Variants in CLEC16A observed in about 807,000 individuals in gnomAD.
CLEC16A encodes the protein protein CLEC16A.
Under a neutral mutation model 109.5 loss-of-function variants are expected in CLEC16A, and 51 were observed. The observed-to-expected ratio is 0.47, with a 90% CI of 0.37 to 0.59. The LOEUF is 0.59. Ranked by LOEUF, CLEC16A falls within the 20% of genes least tolerant of loss-of-function variation. CLEC16A has a pLI of 0.00. For synonymous variants in CLEC16A, 673 were observed against 564.2 expected (o/e 1.19, Z -2.73); for missense variants, 1,339 against 1,394.0 (o/e 0.96, Z 0.63).
chr16:10,973,887 CTTTTTT>C (rs569414844), intron 7 of CLEC16A, among the ~76,000 whole-genome samples: 1 of 46,586 alleles, frequency 2.1e-5, no homozygotes, highest in Non-Finnish European at 3.6e-5. Flanking sequence ...GGGCTGCTTG[CTTTTTT>C]TTTTTTTTTT....
intron 22 of CLEC16A, among the ~76,000 whole-genome samples, chr16:11,146,925 A>G (rs1434061600): frequency 6.6e-6 from 1 of 152,148 alleles, no homozygotes; most frequent in Non-Finnish European, 1.5e-5. Flanking sequence ...TAGATAGTCT[A>G]GAACTTCCCA....
At chr16:11,051,056 A>G (rs779759833) in intron 17 of CLEC16A, among the ~76,000 whole-genome samples, 13 of 152,314 alleles carry the variant, frequency 8.5e-5, no homozygotes, top group African/African-American at 1.9e-4. Context: ...CCCTTAGGTC[A>G]CAGCTTGCAG....
At chr16:10,998,752 G>A (rs957541629) in intron 10 of CLEC16A, among the ~76,000 whole-genome samples, 1 of 152,132 alleles carries the variant, frequency 6.6e-6, no homozygotes, top group African/African-American at 2.4e-5. Flanking sequence ...TCACTCAGCA[G>A]CAGCCTGTCC....
intron 23 of CLEC16A, among the ~76,000 whole-genome samples, chr16:11,169,862 C>T (rs1296374075): frequency 6.6e-6 from 1 of 152,182 alleles, no homozygotes; most frequent in Admixed American, 6.5e-5. Flanking sequence ...CCAGTAGATA[C>T]TCCTCCTGAA....
At chr16:10,992,425 C>A (rs2044074722) in intron 10 of CLEC16A, among the ~76,000 whole-genome samples, 1 of 151,902 alleles carries the variant, frequency 6.6e-6, no homozygotes, top group Non-Finnish European at 1.5e-5. Context: ...ATGATAAATA[C>A]ATGAGGCGAT....
chr16:10,951,856 T>C (rs532816512), intron 1 of CLEC16A, among the ~76,000 whole-genome samples: 3 of 152,262 alleles, frequency 2.0e-5, no homozygotes, highest in Non-Finnish European at 2.9e-5. Context: ...AACATTGTTA[T>C]CACTCACACA....
intron 19 of CLEC16A, among the ~76,000 whole-genome samples, chr16:11,087,610 G>A (rs1354462558): frequency 6.6e-6 from 1 of 152,224 alleles, no homozygotes; most frequent in Non-Finnish European, 1.5e-5. Flanking sequence ...TTCAACCCCA[G>A]GTTCTTTTTG....
intron 19 of CLEC16A, among the ~76,000 whole-genome samples, chr16:11,093,500 C>T (rs988791432): frequency 2.6e-5 from 4 of 152,264 alleles, no homozygotes; most frequent in Admixed American, 6.5e-5. Context: ...TGATTCTGCC[C>T]GGACTCAAGG....
chr16:10,953,631 T>G (rs2041842218), intron 1 of CLEC16A, among the ~76,000 whole-genome samples: 1 of 152,140 alleles, frequency 6.6e-6, no homozygotes, highest in African/African-American at 2.4e-5. Context: ...AGTAAAGGGT[T>G]TGTGGTCAGA....
At chr16:10,977,753 GGT>G (rs2146560209) in intron 8 of CLEC16A, among the ~76,000 whole-genome samples, 1 of 152,212 alleles carries the variant, frequency 6.6e-6, no homozygotes, top group South Asian at 2.1e-4. Flanking sequence ...CTTGACCTCA[GGT>G]GATACACCTG....
At chr16:11,162,332 C>T (rs1296835163) in intron 22 of CLEC16A, among the ~76,000 whole-genome samples, 2 of 152,196 alleles carry the variant, frequency 1.3e-5, no homozygotes, top group Non-Finnish European at 1.5e-5. Context: ...GGGGAGAGAG[C>T]TTCAGAGGGC....
In CLEC16A at chr16:10,944,585, G is replaced by A. The variant is rs1055314272; in HGVS notation, c.-133G>A. 8.2e-6 allele frequency: 7 copies of A among 852,930 alleles called. No individual in the cohort carries two copies. The highest frequency in any genetic ancestry group is 4.7e-5 in the Admixed American group (2 of 42,338). The allele number at this position is 852,930 out of a possible 1,614,324, so 52.8% of individuals were successfully genotyped here. A position where few individuals can be genotyped will look rare whatever the true frequency, so the allele number is the denominator to read the frequency against. On this transcript the variant is annotated 5_prime_UTR_variant, in exon 1 of 24. Transcript: ENST00000409790. Reference sequence around the variant, plus strand: ...TGTCAGTGCTGGGCTGTGGGCCGGGGAGGAAGGCGGCTCGCGGTTCCTCCA... The same window carrying A: ...TGTCAGTGCTGGGCTGTGGGCCGGGAAGGAAGGCGGCTCGCGGTTCCTCCA...
intron 11 of CLEC16A, among the ~76,000 whole-genome samples, chr16:11,013,469 AAATAC>A (rs1318726090): frequency 1.3e-5 from 2 of 152,132 alleles, no homozygotes; most frequent in African/African-American, 4.8e-5. Flanking sequence ...TCTCTGCTAA[AAATAC>A]AAAAATGAGG....
intron 2 of CLEC16A, among the ~76,000 whole-genome samples, chr16:10,960,573 A>C (rs1327842546): frequency 6.6e-6 from 1 of 152,108 alleles, no homozygotes; most frequent in Non-Finnish European, 1.5e-5. Context: ...TTTCTCTACT[A>C]TAAAGCTACT....
intron 18 of CLEC16A, among the ~76,000 whole-genome samples, chr16:11,057,538 T>C (rs1186066957): frequency 6.6e-6 from 1 of 152,204 alleles, no homozygotes; most frequent in African/African-American, 2.4e-5. Context: ...TTTGCCAGAA[T>C]TTGCTTCCAG....
chr16:11,026,909 CTG>C lies in CLEC16A; in HGVS notation c.1537+1989_1537+1990del, dbSNP rs2046437165. ...CTCACTATGGCTAAGTGAACGCTGA[CTG>C]GGTCCTCCAGCGTGAGCTAGAACAG... On this transcript the variant is annotated intron_variant, in intron 13 of 23. Transcript: ENST00000409790. The C allele has an allele frequency of 2.3e-6, 2 of 862,546 alleles. 1 individual carries two copies. Among genetic ancestry groups the C allele is most frequent in the African/African-American group, 3.3e-5 (2 of 59,938 alleles). The allele number at this position is 862,546 out of a possible 1,614,324, so 53.4% of individuals were successfully genotyped here.
At chr16:11,053,733 G>A (rs781391595) in intron 18 of CLEC16A, among the ~76,000 whole-genome samples, 16 of 152,204 alleles carry the variant, frequency 1.1e-4, no homozygotes, top group Non-Finnish European at 2.2e-4. Flanking sequence ...CCCAGCTAGT[G>A]AGTAGCTGAG....
intron 10 of CLEC16A, among the ~76,000 whole-genome samples, chr16:10,994,548 A>G (rs2044220626): frequency 6.6e-6 from 1 of 152,084 alleles, no homozygotes; most frequent in Non-Finnish European, 1.5e-5. Flanking sequence ...CTCTGTGTTT[A>G]TCAGGTAAAA....
At chr16:10,983,116 C>A in intron 10 of CLEC16A, 125 bp downstream of exon 10, 1 of 594,524 alleles carries the variant, frequency 1.7e-6, no homozygotes, top group Non-Finnish European at 3.0e-6. Context: ...ATAAGCTGGT[C>A]CGGGATTCAG....
Sources: gnomAD v4.1 joint callset for allele counts (sites outside exome capture counted in the v4.1 genomes callset) on GRCh38, gnomAD v4.1.1 for gene constraint, MANE v1.5 for transcripts, NCBI Gene and HGNC (gene_info 2026-07-23, HGNC 2026-07-21) for gene names.